Variants in MTTP observed in about 807,000 individuals in gnomAD.
MTTP encodes the protein microsomal triglyceride transfer protein large subunit.
A neutral mutation model predicts 90.6 loss-of-function variants in MTTP; 49 were observed. That is an observed-to-expected ratio of 0.54 (90% CI 0.43 to 0.69). MTTP has a LOEUF of 0.69. MTTP is among the 30% of genes least tolerant of loss of function. MTTP has a pLI of 0.00. For synonymous variants in MTTP, 347 were observed against 384.2 expected, an observed-to-expected ratio of 0.90 and a Z score of 1.13; for missense variants, 945 against 1,067.5, an observed-to-expected ratio of 0.89 and a Z score of 1.60.
At chr4:99,582,755 C>T (rs984124049) in intron 2 of MTTP, among the ~76,000 whole-genome samples, 2 of 152,122 alleles carry the variant, frequency 1.3e-5, no homozygotes, top group South Asian at 2.1e-4. Context: ...AACAGGTACA[C>T]AGGACAAAGT....
At chr4:99,617,557 G>A (rs1726127828) in intron 15 of MTTP, among the ~76,000 whole-genome samples, 1 of 152,110 alleles carries the variant, frequency 6.6e-6, no homozygotes, top group Non-Finnish European at 1.5e-5. Context: ...TAGTCATCCT[G>A]CCGGTTGCCA....
intron 9 of MTTP, 114 bp downstream of exon 9, chr4:99,600,847 G>A (rs940007130): frequency 2.8e-5 from 28 of 994,174 alleles, no homozygotes; most frequent in Non-Finnish European, 3.8e-5. Flanking sequence ...AGACTTCTGA[G>A]TATTCATATT....
At chr4:99,614,961 C>T (rs1467580541) in intron 15 of MTTP, among the ~76,000 whole-genome samples, 1 of 152,178 alleles carries the variant, frequency 6.6e-6, no homozygotes, top group East Asian at 1.9e-4. Flanking sequence ...AAACAGTTCT[C>T]AAATTATATC....
chr4:99,565,561 T>C (rs937554540), intron 1 of MTTP, among the ~76,000 whole-genome samples: 4 of 152,210 alleles, frequency 2.6e-5, no homozygotes, highest in Admixed American at 6.5e-5. Context: ...ATGTATCGAG[T>C]TCTATGCGTT....
intron 7 of MTTP, among the ~76,000 whole-genome samples, chr4:99,596,757 G>A (rs567243625): frequency 7.9e-5 from 12 of 152,216 alleles, no homozygotes; most frequent in South Asian, 6.2e-4. Context: ...GCCTGGCCTC[G>A]GATAAATTCC....
At chr4:99,577,661 A>G (rs562637504) in intron 1 of MTTP, among the ~76,000 whole-genome samples, 5 of 151,866 alleles carry the variant, frequency 3.3e-5, no homozygotes, top group African/African-American at 1.2e-4. Context: ...AAGAAAAAGG[A>G]AAATTGAATG....
intron 8 of MTTP, among the ~76,000 whole-genome samples, chr4:99,600,343 T>G (rs1725663324): frequency 6.6e-6 from 1 of 152,140 alleles, no homozygotes; most frequent in African/African-American, 2.4e-5. Context: ...ATTCTGAGTA[T>G]ACATTGTTTG....
intron 1 of MTTP, 58 bp from the exon 2 acceptor site, chr4:99,581,847 G>C (rs1725122711): frequency 6.4e-7 from 1 of 1,564,482 alleles, no homozygotes; most frequent in Non-Finnish European, 8.8e-7. Context: ...TGCACTGATG[G>C]TGAGACAGCA....
intron 6 of MTTP, among the ~76,000 whole-genome samples, chr4:99,592,994 G>A (rs1725468324): frequency 6.6e-6 from 1 of 152,116 alleles, no homozygotes; most frequent in South Asian, 2.1e-4. Flanking sequence ...GCACTGTGAT[G>A]ATAGGACAGC....
At chr4:99,610,726 G>A (rs1297528075) in intron 12 of MTTP, among the ~76,000 whole-genome samples, 1 of 152,184 alleles carries the variant, frequency 6.6e-6, no homozygotes, top group Admixed American at 6.6e-5. Context: ...TATGTCATTA[G>A]TGAGAGAGAC....
At chr4:99,581,608 A>G (rs971620328) in intron 1 of MTTP, among the ~76,000 whole-genome samples, 1 of 143,772 alleles carries the variant, frequency 7.0e-6, no homozygotes, top group Non-Finnish European at 1.5e-5. Context: ...AGAGAAATAC[A>G]ATGGCATTTA....
At chr4:99,601,301 T>A (rs550156613) in intron 9 of MTTP, among the ~76,000 whole-genome samples, 8 of 151,056 alleles carry the variant, frequency 5.3e-5, no homozygotes, top group Non-Finnish European at 1.2e-4. Flanking sequence ...ATACATAAAA[T>A]TTTATAACCC....
intron 6 of MTTP, among the ~76,000 whole-genome samples, chr4:99,593,278 A>C (rs952473640): frequency 1.3e-5 from 2 of 152,186 alleles, no homozygotes; most frequent in Non-Finnish European, 2.9e-5. Flanking sequence ...ACAGGTTTTA[A>C]GTTTTAAAAA....
intron 17 of MTTP, 32 bp from the exon 18 acceptor site, chr4:99,622,645 G>T (rs761597828): frequency 6.2e-7 from 1 of 1,611,212 alleles, no homozygotes; most frequent in South Asian, 1.1e-5. Context: ...AACTGTGTGT[G>T]TAATTCTGTT....
intron 1 of MTTP, among the ~76,000 whole-genome samples, chr4:99,566,297 G>GAAAAAAAAAAAAA (rs567380343): frequency 3.4e-5 from 4 of 117,508 alleles, no homozygotes; most frequent in African/African-American, 3.0e-5. Flanking sequence ...TCAAAAAAAA[G>GAAAAAAAAAAAAA]AAAAAAAAAA....
At chr4:99,577,620 AAAG>A (rs1725000582) in intron 1 of MTTP, among the ~76,000 whole-genome samples, 1 of 135,022 alleles carries the variant, frequency 7.4e-6, no homozygotes, top group Non-Finnish European at 1.7e-5. Flanking sequence ...AAAAAAAAAA[AAAG>A]AAAGAAAAGA....
chr4:99,579,692 T>C (rs904385126), intron 1 of MTTP, among the ~76,000 whole-genome samples: 4 of 152,152 alleles, frequency 2.6e-5, no homozygotes, highest in Admixed American at 2.6e-4. Flanking sequence ...CCAATTTACA[T>C]TTACAAAGGG....
At chr4:99,567,664 C>A (rs1353797037) in intron 1 of MTTP, among the ~76,000 whole-genome samples, 1 of 152,124 alleles carries the variant, frequency 6.6e-6, no homozygotes, top group Non-Finnish European at 1.5e-5. Flanking sequence ...CATAGCCCAA[C>A]ACTAGGGAGA....
At chr4:99,621,834 C>T (rs1640100536) in intron 17 of MTTP, among the ~76,000 whole-genome samples, 1 of 152,092 alleles carries the variant, frequency 6.6e-6, no homozygotes, top group African/African-American at 2.4e-5. Flanking sequence ...AATTTTGTAA[C>T]CATTATTTGT....
Sources: allele counts gnomAD v4.1 joint callset (sites outside exome capture counted in the v4.1 genomes callset), GRCh38; gene constraint gnomAD v4.1.1; transcripts MANE v1.5; gene names NCBI Gene and HGNC (gene_info 2026-07-23, HGNC 2026-07-21).